FAAH2: variants seen among roughly 807,000 people sequenced by gnomAD.
FAAH2 encodes the protein fatty acid amide hydrolase 2.
Under a neutral mutation model 36.9 loss-of-function variants are expected in FAAH2, and 60 were observed. That is an observed-to-expected ratio of 1.63 (90% CI 1.32 to 2.02). The LOEUF is 2.02. Ranked by LOEUF, FAAH2 falls within the 30% of genes most tolerant of loss-of-function variation. The pLI is 0.00. For synonymous variants in FAAH2, 214 were observed against 143.8 expected (o/e 1.49, Z -3.49); for missense variants, 689 against 397.5 (o/e 1.73, Z -6.23).
intron 5 of FAAH2, among the ~76,000 whole-genome samples, chrX:57,364,454 T>C (rs1401807739): frequency 9.4e-6 from 1 of 105,935 alleles, no homozygotes; most frequent in Non-Finnish European, 1.9e-5. Flanking sequence ...TTTTTTTTTT[T>C]TTTTTTTGCT....
At chrX:57,224,761 C>T in the FAAH2 span, among the ~76,000 whole-genome samples, 1 of 112,311 alleles carries the variant, frequency 8.9e-6, no homozygotes, top group Admixed American at 9.4e-5. Context: ...TAGGCCTCAG[C>T]CCGCCTGCAC....
chrX:57,449,317 A>G (rs986419947), intron 10 of FAAH2, among the ~76,000 whole-genome samples: 7 of 111,804 alleles, frequency 6.3e-5, no homozygotes, highest in Admixed American at 1.9e-4. Flanking sequence ...TGAGATGAAG[A>G]TAGAGAACTC....
intron 7 of FAAH2, among the ~76,000 whole-genome samples, chrX:57,424,898 G>A (rs764566919): frequency 1.9e-4 from 21 of 111,363 alleles, no homozygotes; most frequent in African/African-American, 6.5e-4. Flanking sequence ...TGAAATTTTT[G>A]AAATACCACG....
intron 7 of FAAH2, among the ~76,000 whole-genome samples, chrX:57,413,713 T>C (rs1284347661): frequency 1.8e-5 from 2 of 112,177 alleles, no homozygotes; most frequent in African/African-American, 6.5e-5. Flanking sequence ...TTTGTTTCCA[T>C]ATAAAATTTA....
intron 8 of FAAH2, among the ~76,000 whole-genome samples, chrX:57,435,421 A>T (rs1449561018): frequency 9.0e-6 from 1 of 111,199 alleles, no homozygotes; most frequent in Non-Finnish European, 1.9e-5. Flanking sequence ...TATAAGAAAC[A>T]TGATCCATCT....
the FAAH2 span, among the ~76,000 whole-genome samples, chrX:57,190,661 G>T: frequency 9.1e-6 from 1 of 110,213 alleles, no homozygotes. Context: ...CCCTCCACCC[G>T]CTCCTTGCAC....
chrX:57,168,642 G>C, the FAAH2 span, among the ~76,000 whole-genome samples: 1 of 111,355 alleles, frequency 9.0e-6, no homozygotes, highest in Non-Finnish European at 1.9e-5. Context: ...TACATGTATA[G>C]TGATTTTGCA....
intron 5 of FAAH2, among the ~76,000 whole-genome samples, chrX:57,345,365 G>A (rs948982516): frequency 9.1e-5 from 10 of 110,462 alleles, no homozygotes; most frequent in South Asian, 3.8e-4. Flanking sequence ...TCAATCTTCA[G>A]AGGTTGTGTG....
At position 57,472,687 on chromosome X, in the gene FAAH2, A is replaced by G. The variant is rs760093694; in HGVS notation, c.1424-16070A>G. Among the ~76,000 whole-genome samples the G allele has an allele frequency of 3.6e-5, 4 of 109,958 alleles. No homozygotes were observed. In the East Asian group the frequency reaches 1.1e-3, roughly 31 times the overall value. ...TGTTGGAAGATTTGTATTACTGACT[A>G]GATTTTTTTTTTTACTTGTTTGTGG... On this transcript the variant is annotated intron_variant, in intron 10 of 10. Transcript: ENST00000374900.
intron 10 of FAAH2, among the ~76,000 whole-genome samples, chrX:57,476,725 C>T (rs1031715721): frequency 9.0e-6 from 1 of 111,242 alleles, no homozygotes; most frequent in Non-Finnish European, 1.9e-5. Flanking sequence ...AGGAGGCCTT[C>T]TTATTCTATT....
chrX:57,306,925 AGT>A (rs1461425309), intron 2 of FAAH2, among the ~76,000 whole-genome samples: 3 of 85,005 alleles, frequency 3.5e-5, no homozygotes, highest in South Asian at 1.2e-3. Context: ...TAGTATATAT[AGT>A]GTGTATATAT....
intron 2 of FAAH2, among the ~76,000 whole-genome samples, chrX:57,310,110 C>G (rs761722066): frequency 1.8e-5 from 2 of 111,941 alleles, no homozygotes; most frequent in South Asian, 7.5e-4. Context: ...TGATTTTTAA[C>G]AATTGCCATT....
At chrX:57,379,153 G>A (rs1048031428) in intron 6 of FAAH2, among the ~76,000 whole-genome samples, 4 of 111,370 alleles carry the variant, frequency 3.6e-5, no homozygotes, top group African/African-American at 9.8e-5. Flanking sequence ...AGGCATCAAC[G>A]CTGCTTGGAA....
At chrX:57,145,772 A>G in the FAAH2 span, among the ~76,000 whole-genome samples, 1 of 111,838 alleles carries the variant, frequency 8.9e-6, no homozygotes, top group Non-Finnish European at 1.9e-5. Flanking sequence ...ATTCTCCTAC[A>G]TGTGGCTTGC....
chrX:57,155,741 C>G, the FAAH2 span, among the ~76,000 whole-genome samples: 2 of 112,208 alleles, frequency 1.8e-5, no homozygotes, highest in African/African-American at 6.5e-5. Context: ...TTCCCAGTTC[C>G]TCTGGCTACT....
At chrX:57,478,149 T>G (rs2057306503) in intron 10 of FAAH2, among the ~76,000 whole-genome samples, 1 of 111,967 alleles carries the variant, frequency 8.9e-6, no homozygotes, top group South Asian at 3.7e-4. Flanking sequence ...CTCCAGCACC[T>G]GTTGTTTCCT....
chrX:57,372,411 G>A (rs1188711450), intron 5 of FAAH2, among the ~76,000 whole-genome samples: 1 of 111,045 alleles, frequency 9.0e-6, no homozygotes, highest in East Asian at 2.8e-4. Context: ...GTGATGATGA[G>A]CATTGTTTTT....
chrX:57,384,291 A>T (rs2054946224), intron 7 of FAAH2, among the ~76,000 whole-genome samples: 2 of 106,198 alleles, frequency 1.9e-5, no homozygotes, highest in African/African-American at 6.6e-5. Context: ...AAAACACCAA[A>T]AGCAATGGCA....
intron 10 of FAAH2, among the ~76,000 whole-genome samples, chrX:57,449,895 A>G (rs2056753411): frequency 9.0e-6 from 1 of 111,407 alleles, no homozygotes; most frequent in African/African-American, 3.3e-5. Context: ...TGAACTCCTG[A>G]CCTCAGATTA....
Sources: gnomAD v4.1 joint callset for allele counts (sites outside exome capture counted in the v4.1 genomes callset) on GRCh38, gnomAD v4.1.1 for gene constraint, MANE v1.5 for transcripts, NCBI Gene and HGNC (gene_info 2026-07-23, HGNC 2026-07-21) for gene names.